The following MRPS27 variants were observed in gnomAD, a reference collection of about 807,000 sequenced individuals.
MRPS27 encodes mitochondrial ribosomal protein S27, also known as small ribosomal subunit protein mS27.
In MRPS27, 43 loss-of-function variants were observed where a neutral mutation model predicts 48.9. The ratio of observed to expected loss-of-function variants is 0.88; its 90% confidence interval spans 0.69 to 1.13. MRPS27 has a LOEUF of 1.13. MRPS27 is among the 50% of genes most tolerant of loss of function. The pLI is 0.00. For missense variants in MRPS27, 467 were observed against 476.3 expected (o/e 0.98, Z 0.18); for synonymous variants, 188 against 171.9 (o/e 1.09, Z -0.73).
chr5:72,287,211 C>T (rs1254169739), intron 4 of MRPS27, among the ~76,000 whole-genome samples: 1 of 152,092 alleles, frequency 6.6e-6, no homozygotes, highest in Non-Finnish European at 1.5e-5. Context: ...TCCCCAACAC[C>T]AACCCCCAGC....
intron 1 of MRPS27, among the ~76,000 whole-genome samples, chr5:72,317,738 A>G (rs1272312227): frequency 6.6e-6 from 1 of 151,866 alleles, no homozygotes; most frequent in Admixed American, 6.6e-5. Context: ...CCCAGGCTGG[A>G]GTGTAGTGGC....
At chr5:72,228,492 CTA>C in intron 7 of MRPS27, 124 bp from the exon 8 acceptor site, 1 of 608,612 alleles carries the variant, frequency 1.6e-6, no homozygotes, top group Non-Finnish European at 2.8e-6. Flanking sequence ...AAGAACAAAG[CTA>C]TATATACATT....
chr5:72,255,298 G>C (rs192067352), intron 4 of MRPS27, among the ~76,000 whole-genome samples: 2 of 151,926 alleles, frequency 1.3e-5, no homozygotes, highest in Non-Finnish European at 2.9e-5. Context: ...TAATCCACCC[G>C]CCTTGGACTC....
chr5:72,249,867 C>T (rs930894193), intron 4 of MRPS27, among the ~76,000 whole-genome samples: 2 of 151,742 alleles, frequency 1.3e-5, no homozygotes, highest in Non-Finnish European at 2.9e-5. Flanking sequence ...GCCTGTAGTC[C>T]CAGCTACTTG....
At chr5:72,312,993 G>T (rs1750479582) in intron 2 of MRPS27, among the ~76,000 whole-genome samples, 1 of 152,154 alleles carries the variant, frequency 6.6e-6, no homozygotes, top group Non-Finnish European at 1.5e-5. Flanking sequence ...GGCAAAAGAA[G>T]AGTATGATAA....
At chr5:72,302,224 G>A (rs1750145066) in intron 2 of MRPS27, among the ~76,000 whole-genome samples, 1 of 152,214 alleles carries the variant, frequency 6.6e-6, no homozygotes, top group African/African-American at 2.4e-5. Flanking sequence ...ATACAAGATT[G>A]TATTGAGAAC....
chr5:72,293,294 T>TAA (rs77853796), intron 4 of MRPS27, among the ~76,000 whole-genome samples: 1 of 137,688 alleles, frequency 7.3e-6, no homozygotes. Flanking sequence ...ATTTCTGTCT[T>TAA]AAAAAAAAAA....
chr5:72,262,051 C>T (rs1416894491), intron 4 of MRPS27, among the ~76,000 whole-genome samples: 2 of 152,146 alleles, frequency 1.3e-5, no homozygotes, highest in Non-Finnish European at 2.9e-5. Context: ...TTCTAGTCAG[C>T]AAGTTCAAAC....
chr5:72,276,262 A>C (rs1263140058), intron 4 of MRPS27, among the ~76,000 whole-genome samples: 1 of 152,202 alleles, frequency 6.6e-6, no homozygotes, highest in Non-Finnish European at 1.5e-5. Flanking sequence ...ATAAGATCAC[A>C]CATCTACAAC....
intron 4 of MRPS27, among the ~76,000 whole-genome samples, chr5:72,270,226 TA>T (rs1186073311): frequency 6.8e-6 from 1 of 147,376 alleles, no homozygotes; most frequent in African/African-American, 2.5e-5. Context: ...ATAATAATAA[TA>T]ATAATAATAT....
intron 4 of MRPS27, among the ~76,000 whole-genome samples, chr5:72,276,399 T>A (rs887737475): frequency 6.6e-6 from 1 of 152,122 alleles, no homozygotes; most frequent in Non-Finnish European, 1.5e-5. Context: ...CCTTACCCCT[T>A]ACACAAAAAT....
intron 3 of MRPS27, 58 bp downstream of exon 3, chr5:72,297,574 G>A (rs1750012753): frequency 1.9e-6 from 2 of 1,060,186 alleles, no homozygotes; most frequent in Admixed American, 3.8e-5. Context: ...TCTACATGAA[G>A]GGCCTTTCTG....
rs572818472 is a variant in MRPS27, at chr5:72,219,977, C to T, written c.*932G>A. On this transcript the variant is annotated 3_prime_UTR_variant, in exon 11 of 11. Transcript: ENST00000261413. Reference sequence around the variant, plus strand: ...AGAAACTTACATCCTAAAAACATCCCTATGGGTGCCTAAAAATGGAAATCC... The same window carrying T: ...AGAAACTTACATCCTAAAAACATCCTTATGGGTGCCTAAAAATGGAAATCC... The T allele has an allele frequency of 3.9e-5, 6 of 152,786 alleles. No individual in the cohort carries two copies. Among genetic ancestry groups the T allele is most frequent in the African/African-American group, 1.4e-4 (6 of 41,592 alleles). 9.5% of individuals were successfully genotyped at this position (152,786 alleles called of 1,614,324 possible).
intron 7 of MRPS27, among the ~76,000 whole-genome samples, chr5:72,230,787 C>A (rs1168353271): frequency 6.6e-6 from 1 of 152,132 alleles, no homozygotes; most frequent in Non-Finnish European, 1.5e-5. Context: ...TCCCAAAGTT[C>A]CCTTTTGGAA....
At chr5:72,319,689 G>A (rs1489915496) in intron 1 of MRPS27, among the ~76,000 whole-genome samples, 1 of 151,940 alleles carries the variant, frequency 6.6e-6, no homozygotes, top group Non-Finnish European at 1.5e-5. Flanking sequence ...GATTACAGGC[G>A]CGCGCCACCA....
chr5:72,244,136 GT>G (rs374262396), intron 4 of MRPS27, among the ~76,000 whole-genome samples: 21 of 149,424 alleles, frequency 1.4e-4, no homozygotes, highest in Middle Eastern at 3.5e-3. Context: ...CTTGTGAGTA[GT>G]TTTTTTTTTG....
At chr5:72,259,736 CA>C (rs1748915519) in intron 4 of MRPS27, among the ~76,000 whole-genome samples, 1 of 152,034 alleles carries the variant, frequency 6.6e-6, no homozygotes, top group Non-Finnish European at 1.5e-5. Flanking sequence ...TTATTATAGA[CA>C]AAGCTACAGT....
intron 4 of MRPS27, among the ~76,000 whole-genome samples, chr5:72,263,039 A>G (rs2112004982): frequency 6.6e-6 from 1 of 152,346 alleles, no homozygotes; most frequent in African/African-American, 2.4e-5. Flanking sequence ...TACATCCAGA[A>G]AAAAAGCAAA....
intron 1 of MRPS27, chr5:72,314,769 T>A (rs2112092321): frequency 1.3e-5 from 2 of 152,344 alleles, no homozygotes; most frequent in East Asian, 3.9e-4. Flanking sequence ...TAAATTATAA[T>A]CCAGGCAAGC....
Sources: gnomAD v4.1 joint callset for allele counts (sites outside exome capture counted in the v4.1 genomes callset) on GRCh38, gnomAD v4.1.1 for gene constraint, MANE v1.5 for transcripts, NCBI Gene and HGNC (gene_info 2026-07-23, HGNC 2026-07-21) for gene names.